The following NFX1 variants were observed in gnomAD, a reference collection of about 807,000 sequenced individuals.
NFX1 encodes the protein transcriptional repressor NF-X1.
NFX1 carries 69 observed loss-of-function variants against 137.2 expected under a neutral mutation model. The ratio of observed to expected loss-of-function variants is 0.50; its 90% CI spans 0.41 to 0.61. NFX1 has a LOEUF of 0.61. NFX1 is among the 20% of genes least tolerant of loss of function. The pLI is 0.00. For synonymous variants in NFX1, 495 were observed against 474.1 expected (o/e 1.04, Z -0.57); for missense variants, 1,167 against 1,391.0 (o/e 0.84, Z 2.56).
intron 9 of NFX1, among the ~76,000 whole-genome samples, chr9:33,328,088 G>A (rs1284617496): frequency 6.6e-6 from 1 of 152,086 alleles, no homozygotes; most frequent in Non-Finnish European, 1.5e-5. Context: ...ACAGTTCACT[G>A]TAGCCTCAAC....
At chr9:33,368,254 T>TA (rs1824227859) in intron 23 of NFX1, among the ~76,000 whole-genome samples, 1 of 151,906 alleles carries the variant, frequency 6.6e-6, no homozygotes, top group Non-Finnish European at 1.5e-5. Context: ...AAAGAATAGT[T>TA]ACTCTGAAGA....
rs545145926 is a variant in NFX1, at chr9:33,318,910, G to A, written c.1689G>A (p.Lys563=). The change falls in exon 9 of 24, where the codon AAG becomes AAA. Residue 563 remains lysine, a splice_region_variant and synonymous_variant. Transcript: ENST00000379540. The part of the protein sequence containing the change: ...GDFSCLKICG[K]DLKCGNHTCS... ...ATGTAATAGTGTGTTTTCTTAACAG[G>A]GACTTGAAATGCGGTAACCATACAT... 48 of 1,614,170 alleles carry A rather than the reference G, an allele frequency of 3.0e-5. No individual in the cohort carries two copies. In the Middle Eastern group the frequency reaches 6.6e-4, roughly 22 times the overall value.
chr9:33,304,658 C>T (rs1402262758), intron 4 of NFX1, among the ~76,000 whole-genome samples: 1 of 152,154 alleles, frequency 6.6e-6, no homozygotes, highest in African/African-American at 2.4e-5. Context: ...CTTTGTTATT[C>T]TCTGTCTCAC....
intron 1 of NFX1, 93 bp from the exon 2 acceptor site, chr9:33,294,327 A>G (rs1157601926): frequency 5.8e-6 from 7 of 1,198,420 alleles, no homozygotes; most frequent in Non-Finnish European, 5.9e-6. Context: ...ACAAAGTTCT[A>G]AGGAAAGTAA....
chr9:33,293,239 T>G (rs2078057723), intron 1 of NFX1, among the ~76,000 whole-genome samples: 1 of 152,224 alleles, frequency 6.6e-6, no homozygotes, highest in Non-Finnish European at 1.5e-5. Flanking sequence ...TCATCAGGAA[T>G]GTAAGGATTA....
rs548417790 is a variant in NFX1 at position 33,343,372 on chromosome 9, T to C, written c.2224+518T>C. 3.5e-4 allele frequency among the ~76,000 whole-genome samples: 53 copies of C among 152,048 alleles called. 1 individual carries two copies. In the South Asian group the frequency reaches 0.011, roughly 31 times the overall value. ...TCACAAAAATTTTTTTAAATAACTT[T>C]TCAAAAAAGTAGAATAGCGGATACT... is the stretch of plus-strand genomic sequence containing the variant. On this transcript the variant is annotated intron_variant, in intron 13 of 23. Coordinates refer to ENST00000379540, the MANE Select transcript of NFX1 (RefSeq NM_002504.6).
intron 6 of NFX1, among the ~76,000 whole-genome samples, chr9:33,311,403 C>G (rs946989234): frequency 1.3e-5 from 2 of 152,094 alleles, no homozygotes; most frequent in African/African-American, 4.8e-5. Context: ...ACTTGAGAGA[C>G]CAAATGTGCC....
At chr9:33,358,305 T>C (rs1338648395) in intron 19 of NFX1, among the ~76,000 whole-genome samples, 1 of 152,100 alleles carries the variant, frequency 6.6e-6, no homozygotes, top group Non-Finnish European at 1.5e-5. Flanking sequence ...TTTGTATTTT[T>C]AGTAGAGATG....
intron 7 of NFX1, among the ~76,000 whole-genome samples, chr9:33,317,419 C>CAAAAAAAAAAAAAA (rs761378780): frequency 4.4e-4 from 24 of 54,192 alleles, no homozygotes; most frequent in African/African-American, 6.6e-4. Flanking sequence ...GCCCTGTCTC[C>CAAAAAAAAAAAAAA]AAAAAAAAAA....
intron 5 of NFX1, among the ~76,000 whole-genome samples, chr9:33,308,388 G>A (rs1165635775): frequency 6.6e-6 from 1 of 152,194 alleles, no homozygotes; most frequent in East Asian, 1.9e-4. Context: ...GCTGCAGTGA[G>A]CTGTGATTGC....
In NFX1 at chr9:33,369,976, TAAG is replaced by T. The variant is rs1414801401; in HGVS notation, c.*3_*5del. Reference sequence around the variant, plus strand: ...AATTGACTATTTTGACGTCCAGGACTAAGAAGATCATGATGCACTTAGATAAAA... The same window carrying T: ...AATTGACTATTTTGACGTCCAGGACTAAGATCATGATGCACTTAGATAAAA... On this transcript the variant is annotated stop_retained_variant and 3_prime_UTR_variant, in exon 24 of 24. Coordinates refer to ENST00000379540, the MANE Select transcript of NFX1 (RefSeq NM_002504.6). 9.9e-6 allele frequency: 16 copies of T among 1,609,314 alleles called. No individual in the cohort carries two copies. The highest frequency in any genetic ancestry group is 2.2e-5 in the East Asian group (1 of 44,878).
chr9:33,366,613 T>G lies in NFX1; in HGVS notation c.3040-16T>G. On this transcript the variant is annotated splice_polypyrimidine_tract_variant and intron_variant, in intron 21 of 23. Transcript: ENST00000379540. ...AGAATGATATGATCAATCAGTCATC[T>G]TTTCCCTCAATACAGGGAAAGAATA... 1 of 1,612,628 alleles carries G rather than the reference T, an allele frequency of 6.2e-7. No individual in the cohort carries two copies. The highest frequency in any genetic ancestry group is 1.1e-5 in the South Asian group (1 of 91,054).
chr9:33,364,676 A>G (rs1445462813), intron 20 of NFX1, 32 bp from the exon 21 acceptor site: 1 of 1,603,978 alleles, frequency 6.2e-7, no homozygotes, highest in Non-Finnish European at 8.5e-7. Flanking sequence ...GGGCAGGGAC[A>G]GACAAAATTA....
intron 11 of NFX1, among the ~76,000 whole-genome samples, chr9:33,337,869 C>G (rs1248909441): frequency 2.6e-5 from 4 of 151,726 alleles, no homozygotes; most frequent in African/African-American, 7.3e-5. Context: ...GCCAACATGG[C>G]GAAACCCTGT....
intron 2 of NFX1, 128 bp from the exon 3 acceptor site, chr9:33,301,135 A>C (rs1564102834): frequency 1.2e-6 from 1 of 847,120 alleles, no homozygotes; most frequent in Middle Eastern, 3.7e-4. Context: ...ACCCAGAATC[A>C]GATATCCCTT....
intron 23 of NFX1, among the ~76,000 whole-genome samples, chr9:33,369,159 G>A (rs1036161116): frequency 2.5e-4 from 38 of 151,986 alleles, no homozygotes; most frequent in African/African-American, 8.9e-4. Context: ...TCCGCCTCCC[G>A]GGTTCATGCC....
At chr9:33,314,169 A>C (rs1235497878) in intron 7 of NFX1, among the ~76,000 whole-genome samples, 1 of 151,740 alleles carries the variant, frequency 6.6e-6, no homozygotes, top group Non-Finnish European at 1.5e-5. Context: ...TTTTTAGTAG[A>C]GATAGGGTTT....
At chr9:33,357,369 A>G (rs1383501489) in intron 19 of NFX1, among the ~76,000 whole-genome samples, 1 of 152,072 alleles carries the variant, frequency 6.6e-6, no homozygotes, top group East Asian at 1.9e-4. Context: ...TTCTGAGCTC[A>G]TCCTGTTCAA....
chr9:33,365,463 C>G (rs1824142149), intron 21 of NFX1: 1 of 152,192 alleles, frequency 6.6e-6, no homozygotes, highest in African/African-American at 2.4e-5. Context: ...AAAAAATTAG[C>G]CAGGTGTGGT....
Sources: gnomAD v4.1 joint callset for allele counts (sites outside exome capture counted in the v4.1 genomes callset) on GRCh38, gnomAD v4.1.1 for gene constraint, MANE v1.5 for transcripts, NCBI Gene and HGNC (gene_info 2026-07-23, HGNC 2026-07-21) for gene names.